Variants in TBC1D4 observed in about 807,000 individuals in gnomAD.
The protein encoded by TBC1D4 is TBC (Tre-2, BUB2, CDC16) domain-containing protein.
Under a neutral mutation model 142.5 loss-of-function variants are expected in TBC1D4, and 121 were observed. That is an observed-to-expected ratio of 0.85 (90% CI 0.73 to 0.99). The LOEUF (loss-of-function observed/expected upper bound fraction) is 0.99. Among genes scored for constraint, TBC1D4 ranks in the 50% least tolerant of loss-of-function variants. TBC1D4 has a pLI of 0.00. For missense variants in TBC1D4, 1,475 were observed against 1,606.6 expected, an observed-to-expected ratio of 0.92 and a Z score of 1.40; for synonymous variants, 630 against 628.2, an observed-to-expected ratio of 1.00 and a Z score of -0.04.
chr13:75,390,880 G>A (rs1032092763), intron 1 of TBC1D4, among the ~76,000 whole-genome samples: 1 of 136,060 alleles, frequency 7.3e-6, no homozygotes, highest in African/African-American at 2.7e-5. Context: ...GGGGAGGGGA[G>A]GGGAGGGAAG....
At chr13:75,313,506 G>T (rs1877986466) in intron 12 of TBC1D4, among the ~76,000 whole-genome samples, 1 of 152,126 alleles carries the variant, frequency 6.6e-6, no homozygotes, top group Non-Finnish European at 1.5e-5. Context: ...TTAAAAAATA[G>T]ATCTTTTTAT....
chr13:75,294,956 G>A lies in TBC1D4; in HGVS notation c.3214C>T (p.His1072Tyr), dbSNP rs1291774755. Residue 1072 changes from histidine to tyrosine, a missense_variant, in exon 18 of 21, where the codon CAC becomes TAC. By Grantham distance (83) the His-to-Tyr change is moderately conservative. Around this residue, in one of 2 missense-constraint regions of TBC1D4, gnomAD observed 248 missense variants for 338.9 expected, o/e 0.73. Coordinates refer to ENST00000377636, the MANE Select transcript of TBC1D4 (RefSeq NM_014832.5). ...GGGCTGATTTCATTTTCTTCAAGGT[G>A]ATTGTAGAGATCTCTGTGATAGTCA... ...LHDYHRDLYN[H>Y]LEENEISPSL... is the part of the protein sequence containing the mutation. 5 of 1,613,760 alleles carry A rather than the reference G, an allele frequency of 3.1e-6. No individual in the cohort carries two copies. Among genetic ancestry groups the A allele is most frequent in the African/African-American group, 2.7e-5 (2 of 74,916 alleles).
chr13:75,481,676 G>A lies in TBC1D4; in HGVS notation c.92C>T (p.Pro31Leu). Residue 31 changes from proline to leucine, a missense_variant, in exon 1 of 21, where the codon CCA (proline) becomes CTA (leucine). This residue lies in a region of TBC1D4 where 1,227 missense variants were observed against 1,267.7 expected (regional missense o/e 0.97). Coordinates refer to ENST00000377636, the MANE Select transcript of TBC1D4 (RefSeq NM_014832.5). The part of the protein sequence containing the change: ...GVSAQPGPGK[P>L]SDKRFRLWYV... ...CCACAGCCGGAACCGCTTATCGCTTGGCTTCCCGGGGCCGGGCTGAGCTGA... is the reference window on the plus strand; with the variant it reads ...CCACAGCCGGAACCGCTTATCGCTTAGCTTCCCGGGGCCGGGCTGAGCTGA... 4 of 1,600,928 alleles carry A rather than the reference G, an allele frequency of 2.5e-6. No homozygotes were observed. Among genetic ancestry groups the A allele is most frequent in the African/African-American group, 1.3e-5 (1 of 74,166 alleles).
At chr13:75,331,845 G>A (rs1318256882) in intron 8 of TBC1D4, among the ~76,000 whole-genome samples, 6 of 140,498 alleles carry the variant, frequency 4.3e-5, no homozygotes, top group Non-Finnish European at 3.0e-5. Flanking sequence ...AACTCAGCAG[G>A]AAAAAAAAAA....
At chr13:75,299,717 T>A in intron 16 of TBC1D4, 143 bp from the exon 17 acceptor site, 2 of 1,017,980 alleles carry the variant, frequency 2.0e-6, no homozygotes, top group Non-Finnish European at 2.9e-6. Context: ...ACCATGTAAC[T>A]AAGAGTCTCT....
At chr13:75,467,205 A>C (rs1183512590) in intron 1 of TBC1D4, among the ~76,000 whole-genome samples, 1 of 152,186 alleles carries the variant, frequency 6.6e-6, no homozygotes, top group African/African-American at 2.4e-5. Context: ...CCTCTACTCC[A>C]AGAACAAAAG....
intron 7 of TBC1D4, among the ~76,000 whole-genome samples, chr13:75,338,997 G>A (rs1383006593): frequency 3.9e-5 from 6 of 152,180 alleles, no homozygotes; most frequent in African/African-American, 1.2e-4. Flanking sequence ...CTTCTCTAGG[G>A]CTCTAGCTTG....
chr13:75,332,167 AG>A (rs775105011), intron 8 of TBC1D4, among the ~76,000 whole-genome samples: 1 of 152,252 alleles, frequency 6.6e-6, no homozygotes, highest in Non-Finnish European at 1.5e-5. Flanking sequence ...ATGGAGATAA[AG>A]GAACACCCTA....
chr13:75,464,201 GTGGCCATAAACTGGCCCCAAAAC>G (rs141739896), intron 1 of TBC1D4, among the ~76,000 whole-genome samples: 45,200 of 151,956 alleles, frequency 0.3, 6,935 homozygotes, highest in Non-Finnish European at 0.34. Flanking sequence ...GCTCCCAAAT[GTGGCCATAAACTGGCCCCAAAAC>G]TGGCCATAAA....
intron 1 of TBC1D4, among the ~76,000 whole-genome samples, chr13:75,442,802 A>G (rs2138205135): frequency 6.6e-6 from 1 of 152,118 alleles, no homozygotes; most frequent in Non-Finnish European, 1.5e-5. Context: ...AGAAAGAAAG[A>G]AAGAAAAGAA....
chr13:75,338,126 A>T lies in TBC1D4; in HGVS notation c.1612-1086T>A, dbSNP rs148724417. ...ATCAAAAAGAAGTGTTCAAAAACACATCTAAAAGACAGGAAAATCAGACTG... is the reference window on the plus strand; with the variant it reads ...ATCAAAAAGAAGTGTTCAAAAACACTTCTAAAAGACAGGAAAATCAGACTG... On this transcript the variant is annotated intron_variant, in intron 7 of 20. Transcript: ENST00000377636. Among the ~76,000 whole-genome samples the T allele has an allele frequency of 1.5e-3, 223 of 152,320 alleles. 1 individual carries two copies. The highest frequency in any genetic ancestry group is 4.6e-3 in the African/African-American group (192 of 41,582).
chr13:75,409,835 T>C (rs542842384), intron 1 of TBC1D4, among the ~76,000 whole-genome samples: 2 of 152,352 alleles, frequency 1.3e-5, no homozygotes, highest in Admixed American at 6.5e-5. Context: ...TAAAGGTCCC[T>C]TCTAATCTTA....
At chr13:75,441,627 A>T (rs1469816788) in intron 1 of TBC1D4, among the ~76,000 whole-genome samples, 1 of 152,234 alleles carries the variant, frequency 6.6e-6, no homozygotes, top group Non-Finnish European at 1.5e-5. Flanking sequence ...ACGTCTATGC[A>T]CATGTATAGA....
intron 1 of TBC1D4, among the ~76,000 whole-genome samples, chr13:75,456,143 C>T (rs1278935323): frequency 6.6e-6 from 1 of 151,804 alleles, no homozygotes; most frequent in Non-Finnish European, 1.5e-5. Flanking sequence ...GCTTAGTGTC[C>T]AATATAAACC....
chr13:75,430,059 G>A (rs1428360768), intron 1 of TBC1D4, among the ~76,000 whole-genome samples: 1 of 152,142 alleles, frequency 6.6e-6, no homozygotes, highest in East Asian at 1.9e-4. Context: ...AACAGAACAA[G>A]CTCTACCATT....
chr13:75,448,669 C>T (rs76758950), intron 1 of TBC1D4, among the ~76,000 whole-genome samples: 3,415 of 151,728 alleles, frequency 0.023, 92 homozygotes, highest in African/African-American at 0.058. Context: ...GTATTTTATA[C>T]GGTGTTTTTA....
chr13:75,337,323 T>C lies in TBC1D4; in HGVS notation c.1612-283A>G, dbSNP rs139209761. 1.8e-3 allele frequency among the ~76,000 whole-genome samples: 267 copies of C among 152,352 alleles called. 5 individuals are homozygous for C. The highest frequency in any genetic ancestry group is 6.1e-3 in the African/African-American group (252 of 41,588). On this transcript the variant is annotated intron_variant, in intron 7 of 20. Coordinates refer to ENST00000377636, the MANE Select transcript of TBC1D4 (RefSeq NM_014832.5). ...TGCATTTAGCAAAAATTATACTTGA[T>C]ATGTCAATTTTTACTACTGCTACTC...
intron 12 of TBC1D4, among the ~76,000 whole-genome samples, chr13:75,314,975 A>T (rs978960230): frequency 6.7e-6 from 1 of 150,204 alleles, no homozygotes; most frequent in Non-Finnish European, 1.5e-5. Flanking sequence ...GCGAGGCTCC[A>T]TGTCAAAATA....
In TBC1D4 at chr13:75,481,998, C is replaced by T; in HGVS notation, c.-231G>A. The T allele has an allele frequency of 6.2e-6, 3 of 485,072 alleles. No individual in the cohort carries two copies. The highest frequency in any genetic ancestry group is 9.8e-6 in the Non-Finnish European group (3 of 305,198). 30.0% of individuals were successfully genotyped at this position (485,072 alleles called of 1,614,324 possible). ...GGCACCGAGGCAAGCGCCCGGCAGG[C>T]GAGGGCGGGTTAAATGGGCATCCTC... On this transcript the variant is annotated 5_prime_UTR_variant, in exon 1 of 21. Coordinates refer to ENST00000377636, the MANE Select transcript of TBC1D4 (RefSeq NM_014832.5).
Sources: allele counts gnomAD v4.1 joint callset (sites outside exome capture counted in the v4.1 genomes callset), GRCh38; gene constraint gnomAD v4.1.1; regional missense constraint gnomAD v4.1.1; transcripts MANE v1.5; gene names NCBI Gene and HGNC (gene_info 2026-07-23, HGNC 2026-07-21).